SGCZ: variants seen among roughly 807,000 people sequenced by gnomAD.
SGCZ encodes zeta-sarcoglycan.
SGCZ carries 40 observed loss-of-function variants against 41.3 expected under a neutral mutation model. The observed-to-expected ratio is 0.97, with a 90% confidence interval of 0.75 to 1.26. The LOEUF (loss-of-function observed/expected upper bound fraction) is 1.26, where lower values mean the gene tolerates loss of function less well. Ranked by LOEUF, SGCZ falls within the 50% of genes most tolerant of loss-of-function variation. SGCZ has a pLI of 0.00. For missense variants in SGCZ, 552 were observed against 369.8 expected, an observed-to-expected ratio of 1.49 and a Z score of -4.04; for synonymous variants, 206 against 137.5, an observed-to-expected ratio of 1.50 and a Z score of -3.49.
intron 1 of SGCZ, among the ~76,000 whole-genome samples, chr8:14,920,756 T>C (rs1799565577): frequency 6.6e-6 from 1 of 152,232 alleles, no homozygotes; most frequent in Admixed American, 6.5e-5. Flanking sequence ...ATCATTAGGA[T>C]ACTTAATTTA....
intron 1 of SGCZ, among the ~76,000 whole-genome samples, chr8:14,582,204 A>G (rs1019798892): frequency 2.0e-5 from 3 of 152,182 alleles, no homozygotes; most frequent in African/African-American, 7.2e-5. Flanking sequence ...TGCTATTGAT[A>G]ACATAAGCAG....
intron 1 of SGCZ, among the ~76,000 whole-genome samples, chr8:15,180,585 A>G (rs1211019230): frequency 6.6e-6 from 1 of 151,890 alleles, no homozygotes; most frequent in Non-Finnish European, 1.5e-5. Flanking sequence ...AACAAGTTAA[A>G]AAAAAAAACA....
At chr8:14,126,237 A>C (rs770918257) in intron 5 of SGCZ, among the ~76,000 whole-genome samples, 1 of 152,254 alleles carries the variant, frequency 6.6e-6, no homozygotes, top group Non-Finnish European at 1.5e-5. Context: ...CCCATTTGAC[A>C]AATGTCTAAC....
chr8:15,189,397 C>T (rs565731815), intron 1 of SGCZ, among the ~76,000 whole-genome samples: 1 of 152,286 alleles, frequency 6.6e-6, no homozygotes, highest in South Asian at 2.1e-4. Flanking sequence ...GAAACACCTC[C>T]TCCAAATGGT....
At chr8:15,154,627 C>T (rs1799276620) in intron 1 of SGCZ, among the ~76,000 whole-genome samples, 1 of 152,166 alleles carries the variant, frequency 6.6e-6, no homozygotes, top group Admixed American at 6.5e-5. Flanking sequence ...TTGTAAGTAA[C>T]AGGTGATCAA....
chr8:14,826,152 C>G (rs888543128), intron 1 of SGCZ, among the ~76,000 whole-genome samples: 1 of 143,836 alleles, frequency 7.0e-6, no homozygotes, highest in Non-Finnish European at 1.5e-5. Context: ...TCTCATTGTT[C>G]AATTCCCACC....
chr8:14,594,571 A>G (rs1805347618), intron 1 of SGCZ, among the ~76,000 whole-genome samples: 1 of 150,346 alleles, frequency 6.7e-6, no homozygotes, highest in Non-Finnish European at 1.5e-5. Context: ...AATTAATAGA[A>G]GCAAGCAGTT....
At chr8:14,713,602 A>T (rs185505134) in intron 1 of SGCZ, among the ~76,000 whole-genome samples, 19 of 152,178 alleles carry the variant, frequency 1.2e-4, no homozygotes, top group African/African-American at 4.6e-4. Flanking sequence ...AACTGTGATT[A>T]ATGATATACT....
chr8:15,015,101 G>A (rs1166760903), intron 1 of SGCZ, among the ~76,000 whole-genome samples: 1 of 151,990 alleles, frequency 6.6e-6, no homozygotes, highest in East Asian at 1.9e-4. Flanking sequence ...AAATTACCTG[G>A]GCACAGTGGT....
At chr8:14,994,755 T>C (rs1228235597) in intron 1 of SGCZ, among the ~76,000 whole-genome samples, 1 of 152,204 alleles carries the variant, frequency 6.6e-6, no homozygotes, top group Non-Finnish European at 1.5e-5. Flanking sequence ...AATGGATTTA[T>C]GTTCTATTTA....
intron 1 of SGCZ, among the ~76,000 whole-genome samples, chr8:15,040,836 C>T (rs1224941368): frequency 6.6e-6 from 1 of 151,980 alleles, no homozygotes; most frequent in South Asian, 2.1e-4. Context: ...GTTTCCATAC[C>T]TATCAAAGTC....
intron 1 of SGCZ, among the ~76,000 whole-genome samples, chr8:15,228,291 T>C (rs1801839164): frequency 6.6e-6 from 1 of 152,212 alleles, no homozygotes; most frequent in Non-Finnish European, 1.5e-5. Flanking sequence ...CCTGTGTATT[T>C]CACACACTGT....
At chr8:14,408,952 A>AGTGTGT (rs67492518) in intron 2 of SGCZ, among the ~76,000 whole-genome samples, 6 of 149,452 alleles carry the variant, frequency 4.0e-5, no homozygotes, top group Admixed American at 3.3e-4. Flanking sequence ...AAATTAAGAG[A>AGTGTGT]GTGTGTGTGT....
At chr8:14,457,256 G>C (rs1800772319) in intron 2 of SGCZ, among the ~76,000 whole-genome samples, 2 of 152,314 alleles carry the variant, frequency 1.3e-5, no homozygotes, top group African/African-American at 4.8e-5. Context: ...ACATAGTGAG[G>C]TGTAACTAGA....
intron 3 of SGCZ, among the ~76,000 whole-genome samples, chr8:14,299,687 G>C (rs1459183934): frequency 6.6e-6 from 1 of 151,726 alleles, no homozygotes; most frequent in Non-Finnish European, 1.5e-5. Context: ...AGAGCAATGG[G>C]ATCTCTTTAC....
At chr8:14,941,854 T>G (rs73517367) in intron 1 of SGCZ, among the ~76,000 whole-genome samples, 14,076 of 151,476 alleles carry the variant, frequency 0.093, 755 homozygotes, top group South Asian at 0.14. Context: ...TGTAAATATA[T>G]GTACACCTTT....
At chr8:14,149,528 A>G (rs1398351541) in intron 5 of SGCZ, among the ~76,000 whole-genome samples, 1 of 152,120 alleles carries the variant, frequency 6.6e-6, no homozygotes, top group Non-Finnish European at 1.5e-5. Context: ...AGGAACGCCA[A>G]AAAATGAAAA....
chr8:14,954,589 G>C (rs1251471243), intron 1 of SGCZ, among the ~76,000 whole-genome samples: 1 of 152,080 alleles, frequency 6.6e-6, no homozygotes, highest in African/African-American at 2.4e-5. Flanking sequence ...TCCCCTACTG[G>C]CTTTGATGGA....
chr8:14,602,077 G>C (rs535852077), intron 1 of SGCZ, among the ~76,000 whole-genome samples: 3 of 152,064 alleles, frequency 2.0e-5, no homozygotes, highest in African/African-American at 7.2e-5. Flanking sequence ...CCGAGATTGC[G>C]CCACTGCACT....
Sources: allele counts gnomAD v4.1 joint callset (sites outside exome capture counted in the v4.1 genomes callset), GRCh38; gene constraint gnomAD v4.1.1; transcripts MANE v1.5; gene names NCBI Gene and HGNC (gene_info 2026-07-23, HGNC 2026-07-21).